Variants in SPOCK3 observed in about 807,000 individuals in gnomAD.
SPOCK3 encodes the protein testican-3.
A neutral mutation model predicts 56.6 loss-of-function variants in SPOCK3; 30 were observed. The observed-to-expected ratio is 0.53, with a 90% CI of 0.40 to 0.72. The LOEUF (loss-of-function observed/expected upper bound fraction) is 0.72, where lower values mean the gene tolerates loss of function less well. Ranked by LOEUF, SPOCK3 falls within the 30% of genes least tolerant of loss-of-function variation. SPOCK3 has a pLI of 0.00. For missense variants in SPOCK3, 527 were observed against 530.0 expected, an observed-to-expected ratio of 0.99 and a Z score of 0.06; for synonymous variants, 196 against 183.3, an observed-to-expected ratio of 1.07 and a Z score of -0.56.
At chr4:166,818,444 CA>C (rs1744596284) in intron 6 of SPOCK3, among the ~76,000 whole-genome samples, 1 of 152,000 alleles carries the variant, frequency 6.6e-6, no homozygotes, top group African/African-American at 2.4e-5. Context: ...AGTACTTATA[CA>C]GTAATCTTTT....
intron 2 of SPOCK3, among the ~76,000 whole-genome samples, chr4:167,157,495 A>G (rs1764914655): frequency 6.6e-6 from 1 of 151,970 alleles, no homozygotes; most frequent in Non-Finnish European, 1.5e-5. Context: ...TCAACAGAAA[A>G]AAATGAGGTG....
intron 3 of SPOCK3, chr4:167,011,325 CA>C: frequency 2.2e-6 from 1 of 455,824 alleles, no homozygotes; most frequent in Non-Finnish European, 4.4e-6. Flanking sequence ...TCAGTTGATT[CA>C]GGGGTTGTTG....
intron 2 of SPOCK3, among the ~76,000 whole-genome samples, chr4:167,120,301 G>C (rs1435696459): frequency 1.3e-5 from 2 of 151,782 alleles, no homozygotes; most frequent in Non-Finnish European, 2.9e-5. Context: ...TATCCTAGAG[G>C]GTTGATGTGA....
chr4:167,085,026 T>A (rs1032646930), intron 2 of SPOCK3, among the ~76,000 whole-genome samples: 1 of 152,036 alleles, frequency 6.6e-6, no homozygotes, highest in African/African-American at 2.4e-5. Flanking sequence ...TTCACTTGAC[T>A]GGAAGCTTAT....
intron 3 of SPOCK3, among the ~76,000 whole-genome samples, chr4:167,009,414 A>T (rs958462067): frequency 1.3e-5 from 2 of 152,184 alleles, no homozygotes; most frequent in Admixed American, 6.5e-5. Flanking sequence ...AAAAATAATT[A>T]CCATGAAAGG....
At chr4:166,880,467 G>C (rs1400245906) in intron 6 of SPOCK3, among the ~76,000 whole-genome samples, 1 of 152,050 alleles carries the variant, frequency 6.6e-6, no homozygotes, top group Non-Finnish European at 1.5e-5. Context: ...CTCATGATTT[G>C]ATGTATTACC....
At chr4:166,902,395 A>G (rs912629984) in intron 5 of SPOCK3, among the ~76,000 whole-genome samples, 3 of 151,924 alleles carry the variant, frequency 2.0e-5, no homozygotes, top group Non-Finnish European at 4.4e-5. Flanking sequence ...CATGTATTTC[A>G]TCACTTCTGG....
chr4:167,141,837 G>A (rs1344056472), intron 2 of SPOCK3, among the ~76,000 whole-genome samples: 1 of 151,804 alleles, frequency 6.6e-6, no homozygotes, highest in African/African-American at 2.4e-5. Flanking sequence ...AAATTTAAAA[G>A]GGCTACCTAG....
chr4:166,734,834 G>C lies in SPOCK3; in HGVS notation c.*87C>G. ...TATATGTGAGGTTTAGAATCATTTT[G>C]TTATTGGGGAAGAAGATAATTTTAA... On this transcript the variant is annotated 3_prime_UTR_variant, in exon 11 of 11. Coordinates refer to ENST00000357545, the MANE Select transcript of SPOCK3 (RefSeq NM_001040159.2). 8.9e-7 allele frequency: 1 copy of C among 1,120,630 alleles called. No individual in the cohort carries two copies. Among genetic ancestry groups the C allele is most frequent in the East Asian group, 2.6e-5 (1 of 38,214 alleles). 69.4% of individuals were successfully genotyped at this position (1,120,630 alleles called of 1,614,324 possible). A position where few individuals can be genotyped will look rare whatever the true frequency, so the allele number is the denominator to read the frequency against.
chr4:166,855,648 T>C (rs775454197), intron 6 of SPOCK3, among the ~76,000 whole-genome samples: 1 of 152,244 alleles, frequency 6.6e-6, no homozygotes, highest in African/African-American at 2.4e-5. Context: ...ACCACTCTTA[T>C]TTAACCTTAC....
At chr4:167,026,226 T>G (rs762922089) in intron 3 of SPOCK3, among the ~76,000 whole-genome samples, 4 of 152,064 alleles carry the variant, frequency 2.6e-5, no homozygotes, top group Non-Finnish European at 5.9e-5. Context: ...GGCCACATAC[T>G]GTAGAAAAGG....
chr4:166,858,513 C>T (rs1003895612), intron 6 of SPOCK3, among the ~76,000 whole-genome samples: 6 of 152,084 alleles, frequency 3.9e-5, no homozygotes, highest in African/African-American at 1.4e-4. Context: ...TCTTGGGCTA[C>T]AATAAATCTA....
chr4:167,195,992 A>T (rs1454939562), intron 2 of SPOCK3, among the ~76,000 whole-genome samples: 1 of 152,200 alleles, frequency 6.6e-6, no homozygotes. Context: ...ATTTTAGATT[A>T]CCATAATCCT....
chr4:166,840,366 T>G (rs1289400729), intron 6 of SPOCK3, among the ~76,000 whole-genome samples: 1 of 152,224 alleles, frequency 6.6e-6, no homozygotes, highest in Non-Finnish European at 1.5e-5. Flanking sequence ...TCGTCTACAT[T>G]ATTTTTAAAA....
At chr4:166,969,558 T>C (rs1745148094) in intron 4 of SPOCK3, among the ~76,000 whole-genome samples, 1 of 152,014 alleles carries the variant, frequency 6.6e-6, no homozygotes, top group African/African-American at 2.4e-5. Context: ...TGTTTAAATG[T>C]GTTTAGCACT....
intron 3 of SPOCK3, among the ~76,000 whole-genome samples, chr4:167,027,857 G>C (rs1020674273): frequency 6.6e-6 from 1 of 151,936 alleles, no homozygotes; most frequent in Admixed American, 6.6e-5. Context: ...GTCAGAGGTG[G>C]CAGAAAATTT....
intron 3 of SPOCK3, among the ~76,000 whole-genome samples, chr4:167,006,809 G>A (rs1749515687): frequency 6.6e-6 from 1 of 152,012 alleles, no homozygotes; most frequent in East Asian, 1.9e-4. Context: ...TTCTAGCTAC[G>A]GGTATTGTTT....
chr4:167,161,091 A>AT (rs1326000049), intron 2 of SPOCK3, among the ~76,000 whole-genome samples: 4 of 152,210 alleles, frequency 2.6e-5, no homozygotes, highest in East Asian at 1.9e-4. Flanking sequence ...AGAAACTACC[A>AT]CAGAGTGAAC....
chr4:167,092,248 A>G (rs922536738), intron 2 of SPOCK3, among the ~76,000 whole-genome samples: 10 of 152,182 alleles, frequency 6.6e-5, no homozygotes, highest in African/African-American at 9.6e-5. Context: ...CGTGAGGAAC[A>G]GTGCATTCTG....
Sources: gnomAD v4.1 joint callset for allele counts (sites outside exome capture counted in the v4.1 genomes callset) on GRCh38, gnomAD v4.1.1 for gene constraint, MANE v1.5 for transcripts, NCBI Gene and HGNC (gene_info 2026-07-23, HGNC 2026-07-21) for gene names.